Variants in PTPRD observed in about 807,000 individuals in gnomAD.
The protein encoded by PTPRD is protein tyrosine phosphatase receptor type D.
A neutral mutation model predicts 214.5 loss-of-function variants in PTPRD; 34 were observed. That is an observed-to-expected ratio of 0.16 (90% CI 0.12 to 0.21). The LOEUF is 0.21. PTPRD is among the 10% of genes least tolerant of loss of function. PTPRD has a pLI of 1.00. For missense variants in PTPRD, 2,545 were observed against 2,398.7 expected, an observed-to-expected ratio of 1.06 and a Z score of -1.27; for synonymous variants, 1,128 against 845.7, an observed-to-expected ratio of 1.33 and a Z score of -5.79.
chr9:9,087,876 C>CTTTT (rs1569536508), intron 10 of PTPRD, among the ~76,000 whole-genome samples: 3 of 89,686 alleles, frequency 3.3e-5, no homozygotes, highest in Non-Finnish European at 7.0e-5. Flanking sequence ...GAGCCCTAAA[C>CTTTT]TCTTTTTTTT....
chr9:9,108,321 G>A (rs1372734637), intron 10 of PTPRD, among the ~76,000 whole-genome samples: 1 of 152,084 alleles, frequency 6.6e-6, no homozygotes, highest in Non-Finnish European at 1.5e-5. Context: ...ATACATTGTA[G>A]AACCAACAGA....
intron 11 of PTPRD, among the ~76,000 whole-genome samples, chr9:8,853,098 A>G (rs927368328): frequency 6.6e-6 from 1 of 152,216 alleles, no homozygotes; most frequent in African/African-American, 2.4e-5. Context: ...TGGGTAATTT[A>G]TTAAGGGGGA....
intron 5 of PTPRD, among the ~76,000 whole-genome samples, chr9:9,936,265 AG>A (rs1339245716): frequency 6.7e-6 from 1 of 150,110 alleles, no homozygotes; most frequent in Non-Finnish European, 1.5e-5. Flanking sequence ...GCACAGCAAA[AG>A]AAACTACCAT....
chr9:9,099,207 G>A (rs1245691965), intron 10 of PTPRD, among the ~76,000 whole-genome samples: 1 of 152,164 alleles, frequency 6.6e-6, no homozygotes, highest in Admixed American at 6.5e-5. Flanking sequence ...GATGGGAGAG[G>A]TAAAAAGCAA....
intron 6 of PTPRD, among the ~76,000 whole-genome samples, chr9:9,760,645 CACACACACATAT>C (rs1467027224): frequency 3.4e-5 from 4 of 116,872 alleles, no homozygotes; most frequent in East Asian, 2.3e-4. Flanking sequence ...CACACACACA[CACACACACATAT>C]ATATATATAT....
chr9:8,606,485 C>A (rs2095220897), intron 14 of PTPRD, among the ~76,000 whole-genome samples: 1 of 152,116 alleles, frequency 6.6e-6, no homozygotes, highest in Non-Finnish European at 1.5e-5. Context: ...CATCAAGAAT[C>A]CAGACCATAT....
At chr9:9,264,626 CA>C (rs1202044980) in intron 9 of PTPRD, among the ~76,000 whole-genome samples, 1 of 151,512 alleles carries the variant, frequency 6.6e-6, no homozygotes, top group African/African-American at 2.4e-5. Flanking sequence ...TTTAAAGAAA[CA>C]ATGGCTGAAC....
In PTPRD at chr9:9,096,821, G is replaced by C. The variant is rs557485028; in HGVS notation, c.-142-78086C>G. Among the ~76,000 whole-genome samples the C allele has an allele frequency of 2.6e-5, 4 of 152,270 alleles. No homozygotes were observed. In the South Asian group the frequency reaches 8.3e-4, roughly 32 times the overall value. Reference sequence around the variant, plus strand: ...AATGCTATGGAGGCTTCATGAATGAGGCCATAATTGGCATGTAGGACTGCA... The same window carrying C: ...AATGCTATGGAGGCTTCATGAATGACGCCATAATTGGCATGTAGGACTGCA... On this transcript the variant is annotated intron_variant, in intron 10 of 45. Coordinates refer to ENST00000381196, the MANE Select transcript of PTPRD (RefSeq NM_002839.4).
chr9:8,523,502 AAC>A lies in PTPRD; in HGVS notation c.691+9_691+10del. 6.2e-7 allele frequency: 1 copy of A among 1,613,080 alleles called. No individual in the cohort carries two copies. The highest frequency in any genetic ancestry group is 1.1e-5 in the South Asian group (1 of 90,996). On this transcript the variant is annotated intron_variant, in intron 19 of 45. Coordinates refer to ENST00000381196, the MANE Select transcript of PTPRD (RefSeq NM_002839.4). ...TTTGTAAGGTGGGTAAAAAGTAAAA[AAC>A]ACACCAACCTTCTCGCAGCTCTGAG...
intron 11 of PTPRD, among the ~76,000 whole-genome samples, chr9:8,884,845 T>G (rs1242277868): frequency 6.6e-6 from 1 of 152,228 alleles, no homozygotes; most frequent in Non-Finnish European, 1.5e-5. Context: ...CACTATGTGT[T>G]GGGCTTGCTG....
At chr9:10,106,400 A>C (rs984296660) in intron 3 of PTPRD, among the ~76,000 whole-genome samples, 1 of 151,932 alleles carries the variant, frequency 6.6e-6, no homozygotes, top group Admixed American at 6.6e-5. Flanking sequence ...TGTATATAAA[A>C]CTTAACCTGG....
In PTPRD at chr9:10,000,296, C is replaced by T. The variant is rs555672505; in HGVS notation, c.-472+33422G>A. ...ACTGTTAGTTATAGTCTATAGGACC[C>T]CCACTAACAGTGATAATTTTAATAC... is the stretch of plus-strand genomic sequence containing the variant. On this transcript the variant is annotated intron_variant, in intron 4 of 45. Coordinates refer to ENST00000381196, the MANE Select transcript of PTPRD (RefSeq NM_002839.4). Among the ~76,000 whole-genome samples the T allele has an allele frequency of 3.3e-5, 5 of 152,152 alleles. No homozygotes were observed. The East Asian group carries it at 9.7e-4, about 29-fold the overall frequency.
At chr9:9,719,592 G>A (rs1354274317) in intron 7 of PTPRD, among the ~76,000 whole-genome samples, 4 of 152,136 alleles carry the variant, frequency 2.6e-5, no homozygotes, top group African/African-American at 9.6e-5. Context: ...CAAGGTGGCA[G>A]GACTGAAAGA....
chr9:10,476,590 T>C (rs1011081774), intron 2 of PTPRD, among the ~76,000 whole-genome samples: 4 of 152,138 alleles, frequency 2.6e-5, no homozygotes, highest in African/African-American at 9.7e-5. Context: ...TTCTATGCTA[T>C]TCCCATCAAG....
intron 2 of PTPRD, among the ~76,000 whole-genome samples, chr9:10,396,089 G>A (rs2098165157): frequency 6.6e-6 from 1 of 151,828 alleles, no homozygotes; most frequent in Admixed American, 6.6e-5. Flanking sequence ...GAGCCTGAAT[G>A]CATCCCTGTG....
intron 12 of PTPRD, among the ~76,000 whole-genome samples, chr9:8,689,559 G>A (rs975679128): frequency 4.6e-5 from 7 of 152,134 alleles, no homozygotes; most frequent in Non-Finnish European, 7.4e-5. Context: ...TGATAATACC[G>A]TCAGATCTCG....
At chr9:9,003,891 C>G (rs1004257198) in intron 11 of PTPRD, among the ~76,000 whole-genome samples, 8 of 152,212 alleles carry the variant, frequency 5.3e-5, no homozygotes, top group Non-Finnish European at 1.2e-4. Context: ...AATGCATCAA[C>G]TTTCATGTGA....
chr9:9,333,303 G>C (rs1250337427), intron 9 of PTPRD, among the ~76,000 whole-genome samples: 2 of 151,460 alleles, frequency 1.3e-5, no homozygotes, highest in Admixed American at 6.6e-5. Context: ...AGGCACTTTA[G>C]GGGGCATATG....
At chr9:9,983,270 A>C (rs964242216) in intron 4 of PTPRD, among the ~76,000 whole-genome samples, 3 of 152,200 alleles carry the variant, frequency 2.0e-5, no homozygotes, top group Non-Finnish European at 4.4e-5. Flanking sequence ...CTCCTTGCTA[A>C]GGGGACTTAG....
Sources: gnomAD v4.1 joint callset for allele counts (sites outside exome capture counted in the v4.1 genomes callset) on GRCh38, gnomAD v4.1.1 for gene constraint, MANE v1.5 for transcripts, NCBI Gene and HGNC (gene_info 2026-07-23, HGNC 2026-07-21) for gene names.